The following MACROD1 variants were observed in gnomAD, a reference collection of about 807,000 sequenced individuals.
The protein encoded by MACROD1 is ADP-ribose glycohydrolase MACROD1.
MACROD1 carries 31 observed loss-of-function variants against 41.4 expected under a neutral mutation model. That is an observed-to-expected ratio of 0.75 (90% CI 0.56 to 1.01). The LOEUF is 1.01. Among genes scored for constraint, MACROD1 ranks in the 50% least tolerant of loss-of-function variants. The pLI is 0.00. For synonymous variants in MACROD1, 252 were observed against 203.4 expected (o/e 1.24, Z -2.03); for missense variants, 473 against 460.0 (o/e 1.03, Z -0.26).
At chr11:64,129,541 G>A (rs929993932) in intron 3 of MACROD1, among the ~76,000 whole-genome samples, 8 of 152,178 alleles carry the variant, frequency 5.3e-5, no homozygotes, top group South Asian at 2.1e-4. Flanking sequence ...GGTTTCTCCC[G>A]CATTCCTGGC....
chr11:64,066,643 GAAAAAAAA>G, intron 3 of MACROD1, among the ~76,000 whole-genome samples: 1 of 78,898 alleles, frequency 1.3e-5, no homozygotes, highest in Non-Finnish European at 2.8e-5. Flanking sequence ...TCTTCAAAAA[GAAAAAAAA>G]AAAAAAAAGA....
At chr11:64,076,861 C>T (rs950897919) in intron 3 of MACROD1, among the ~76,000 whole-genome samples, 1 of 152,244 alleles carries the variant, frequency 6.6e-6, no homozygotes, top group African/African-American at 2.4e-5. Flanking sequence ...CTGCCTCCAT[C>T]CCTTGCCTTC....
Position 64,117,601 on chromosome 11 carries a change from C to T in MACROD1, c.517+33638G>A, listed in dbSNP as rs377444528. 3 of 1,613,510 alleles carry T rather than the reference C, an allele frequency of 1.9e-6. No homozygotes were observed. The African/African-American group carries it at 4.0e-5, about 22-fold the overall frequency. ...AAGACCCTGGCCATCCACGTGAAGGCCCTGACGGCAGACTCCATCCGCATC... is the reference window on the plus strand; with the variant it reads ...AAGACCCTGGCCATCCACGTGAAGGTCCTGACGGCAGACTCCATCCGCATC... On this transcript the variant is annotated intron_variant, in intron 3 of 10. Coordinates refer to ENST00000255681, the MANE Select transcript of MACROD1 (RefSeq NM_014067.4).
chr11:64,053,668 T>A lies in MACROD1; in HGVS notation c.518-38387A>T, dbSNP rs139654976. ...CTGGCTCAGCGGGGTCCTCAGCAGG[T>A]GTGACTGCCTGGGGGAAGGGGCTTA... On this transcript the variant is annotated intron_variant, in intron 3 of 10. Coordinates refer to ENST00000255681, the MANE Select transcript of MACROD1 (RefSeq NM_014067.4). Among the ~76,000 whole-genome samples, 179 of 152,216 alleles carry A rather than the reference T, an allele frequency of 1.2e-3. 4 individuals are homozygous for A. In the East Asian group the frequency reaches 0.027, roughly 23 times the overall value.
chr11:64,164,383 G>A (rs1265441727), intron 1 of MACROD1, among the ~76,000 whole-genome samples: 6 of 152,242 alleles, frequency 3.9e-5, no homozygotes. Flanking sequence ...CCCTCGAGCA[G>A]GTGCCTGGGC....
intron 3 of MACROD1, among the ~76,000 whole-genome samples, chr11:64,060,073 C>A (rs1455915907): frequency 6.6e-6 from 1 of 152,226 alleles, no homozygotes; most frequent in African/African-American, 2.4e-5. Flanking sequence ...AACTAACAGA[C>A]CAATTAAGCT....
chr11:63,999,656 G>T lies in MACROD1; in HGVS notation c.772C>A (p.Arg258=), dbSNP rs758192787. 1.2e-6 allele frequency: 2 copies of T among 1,609,230 alleles called. No homozygotes were observed. Among genetic ancestry groups the T allele is most frequent in the Non-Finnish European group, 1.7e-6 (2 of 1,178,844 alleles). ...CCGTCCCTCACCACCGAGCGGAGCC[G>T]GTGCTCCAGCAGCAGGTCCAGACTG... ...LSSLDLLLEH[R]LRSVAFPCIS... Residue 258 remains arginine (R), a synonymous_variant, in exon 6 of 11, where the codon CGG becomes AGG. Coordinates refer to ENST00000255681, the MANE Select transcript of MACROD1 (RefSeq NM_014067.4).
At position 64,066,970 on chromosome 11, in the gene MACROD1, G is replaced by C. The variant is rs1590862506; in HGVS notation, c.518-51689C>G. The stretch of plus-strand genomic sequence containing the variant: ...CCAGTGCGCTACGGAGGGTCACACA[G>C]AGCCCAGCTGGCATCCCAAGCCTCT... On this transcript the variant is annotated intron_variant, in intron 3 of 10. Transcript: ENST00000255681. Among the ~76,000 whole-genome samples the C allele has an allele frequency of 2.6e-5, 4 of 152,184 alleles. No individual in the cohort carries two copies. The South Asian group carries it at 6.2e-4, about 24-fold the overall frequency.
chr11:64,100,987 T>C (rs575848708), intron 3 of MACROD1, among the ~76,000 whole-genome samples: 36 of 152,244 alleles, frequency 2.4e-4, no homozygotes, highest in African/African-American at 8.7e-4. Flanking sequence ...GTGCATTTAT[T>C]AAGCACCAAC....
At chr11:64,152,215 CTCT>C (rs1945590672) in intron 2 of MACROD1, 74 bp downstream of exon 2, 1 of 1,218,878 alleles carries the variant, frequency 8.2e-7, no homozygotes, top group African/African-American at 1.5e-5. Context: ...ACTGGACTAG[CTCT>C]TCTTGTCTGC....
chr11:64,096,027 A>G lies in MACROD1; in HGVS notation c.517+55212T>C, dbSNP rs147543235. Among the ~76,000 whole-genome samples, 96 of 152,328 alleles carry G rather than the reference A, an allele frequency of 6.3e-4. No individual in the cohort carries two copies. The highest frequency in any genetic ancestry group is 2.1e-3 in the African/African-American group (89 of 41,582). The stretch of plus-strand genomic sequence containing the variant: ...CAGGATATGTCGCGCTGCAGCCAGC[A>G]CAGTGCTGCTTCAAACTGCCACTTG... On this transcript the variant is annotated intron_variant, in intron 3 of 10. Coordinates refer to ENST00000255681, the MANE Select transcript of MACROD1 (RefSeq NM_014067.4). This position sits in a 1 kb window ranked among gnomAD's most constrained non-coding sequence, Gnocchi z 4.6.
chr11:64,155,973 T>C (rs1042777526), intron 1 of MACROD1, among the ~76,000 whole-genome samples: 1 of 152,032 alleles, frequency 6.6e-6, no homozygotes, highest in African/African-American at 2.4e-5. Flanking sequence ...CCGGGTGTGG[T>C]GGTACATGCC....
chr11:64,144,502 TG>T (rs1565258008), intron 3 of MACROD1, among the ~76,000 whole-genome samples: 1 of 152,056 alleles, frequency 6.6e-6, no homozygotes, highest in Admixed American at 6.5e-5. Flanking sequence ...TCCCCGAAAA[TG>T]GGGTAACAAT....
At chr11:64,144,970 C>T (rs1173558013) in intron 3 of MACROD1, among the ~76,000 whole-genome samples, 5 of 152,318 alleles carry the variant, frequency 3.3e-5, no homozygotes, top group African/African-American at 7.2e-5. Context: ...GACAGCCGGA[C>T]GCAGGGGCGG....
chr11:64,106,284 G>A (rs1316721405), intron 3 of MACROD1, among the ~76,000 whole-genome samples: 2 of 152,068 alleles, frequency 1.3e-5, no homozygotes, highest in East Asian at 1.9e-4. Flanking sequence ...AGGGCACCCT[G>A]GGTCACCATG....
chr11:64,002,456 C>A (rs1308092128), intron 4 of MACROD1, among the ~76,000 whole-genome samples: 1 of 152,180 alleles, frequency 6.6e-6, no homozygotes, highest in Non-Finnish European at 1.5e-5. Context: ...TCCTCACCCC[C>A]AGCAGTTCCA....
intron 3 of MACROD1, among the ~76,000 whole-genome samples, chr11:64,058,844 G>T (rs1455502683): frequency 1.3e-5 from 2 of 152,158 alleles, no homozygotes; most frequent in Non-Finnish European, 2.9e-5. Flanking sequence ...GCCGGCAAGG[G>T]GGGGTAGGAC....
intron 8 of MACROD1, 121 bp from the exon 9 acceptor site, chr11:63,999,157 G>T: frequency 7.6e-7 from 1 of 1,310,380 alleles, no homozygotes; most frequent in Non-Finnish European, 1.0e-6. Flanking sequence ...GAGGCTCACG[G>T]CTGTGTGCCA....
intron 3 of MACROD1, among the ~76,000 whole-genome samples, chr11:64,040,040 A>G (rs79848549): frequency 0.028 from 4,303 of 152,250 alleles, 190 homozygotes; most frequent in African/African-American, 0.097. Flanking sequence ...TCATTCATTC[A>G]TTCATTCATT....
Sources: gnomAD v4.1 joint callset for allele counts (sites outside exome capture counted in the v4.1 genomes callset) on GRCh38, gnomAD v4.1.1 for gene constraint, Gnocchi (gnomAD v3.1) non-coding constraint, MANE v1.5 for transcripts, NCBI Gene and HGNC (gene_info 2026-07-23, HGNC 2026-07-21) for gene names.